Variants in SRGAP2C observed in about 807,000 individuals in gnomAD.
SRGAP2C encodes the protein SLIT-ROBO Rho GTPase activating protein 2C.
A neutral mutation model predicts 25.1 loss-of-function variants in SRGAP2C; 15 were observed. That is an observed-to-expected ratio of 0.60 (90% CI 0.40 to 0.92). The LOEUF (loss-of-function observed/expected upper bound fraction) is 0.92. SRGAP2C is among the 40% of genes least tolerant of loss of function. The pLI is 0.00. For missense variants in SRGAP2C, 144 were observed against 264.4 expected (o/e 0.54, Z 3.16); for synonymous variants, 44 against 96.6 (o/e 0.46, Z 3.19).
In SRGAP2C at chr1:121,374,926, A is replaced by G. The variant is rs1659600765; in HGVS notation, c.803A>G (p.Tyr268Cys). 2.6e-6 allele frequency: 2 copies of G among 778,436 alleles called. No individual in the cohort carries two copies. Among genetic ancestry groups the G allele is most frequent in the Non-Finnish European group, 4.8e-6 (2 of 416,946 alleles). 48.2% of individuals were successfully genotyped at this position (778,436 alleles called of 1,614,324 possible). The change falls in exon 7 of 10, where the codon TAC (tyrosine) becomes TGC (cysteine). Residue 268 changes from tyrosine (Y) to cysteine (C), a missense_variant. Tyr to Cys is a radical substitution (Grantham distance 194). Transcript: ENST00000367123. The stretch of plus-strand genomic sequence containing the variant: ...ACCAATGCATCTGTCTTCAAGTACT[A>G]CATCCATGACCTATCTGACCTTATT... ...EATNASVFKY[Y>C]IHDLSDLIDQ...
intron 2 of SRGAP2C, among the ~76,000 whole-genome samples, chr1:121,229,777 C>T: frequency 7.9e-6 from 1 of 126,438 alleles, no homozygotes; most frequent in South Asian, 3.2e-4. Flanking sequence ...TGCATCCGGC[C>T]TCTCAGGGAA....
chr1:121,295,313 A>G (rs1174563307), intron 3 of SRGAP2C, among the ~76,000 whole-genome samples: 22 of 151,642 alleles, frequency 1.5e-4, no homozygotes, highest in Non-Finnish European at 2.2e-4. Flanking sequence ...CTGATGGTTT[A>G]AATAGGTATG....
At chr1:121,224,096 A>G (rs587636887) in intron 2 of SRGAP2C, among the ~76,000 whole-genome samples, 1 of 151,942 alleles carries the variant, frequency 6.6e-6, no homozygotes, top group Non-Finnish European at 1.5e-5. Context: ...AGACAAAGAA[A>G]TACAGTTTCT....
rs1332599559 is a variant in SRGAP2C, at chr1:121,390,981, T to G, written c.*3126T>G. ...ACTTGAACTGGGGAGGCATAGGTTG[T>G]AGTGAGCCAAGGTCGTGTCACTGCA... On this transcript the variant is annotated 3_prime_UTR_variant, in exon 10 of 10. Transcript: ENST00000367123. 1 of 104,612 alleles carries G rather than the reference T, an allele frequency of 9.6e-6. No individual in the cohort carries two copies. Among genetic ancestry groups the G allele is most frequent in the Admixed American group, 1.0e-4 (1 of 9,916 alleles). The allele number at this position is 104,612 out of a possible 1,614,324, so 6.5% of individuals were successfully genotyped here. A position where few individuals can be genotyped will look rare whatever the true frequency, so the allele number is the denominator to read the frequency against.
At chr1:121,207,481 A>G (rs1362743197) in intron 2 of SRGAP2C, among the ~76,000 whole-genome samples, 19 of 152,020 alleles carry the variant, frequency 1.2e-4, no homozygotes, top group African/African-American at 4.1e-4. Flanking sequence ...GTTCTTTTAA[A>G]GGCAGCCTGG....
At chr1:121,195,241 T>A (rs587733183) in intron 2 of SRGAP2C, among the ~76,000 whole-genome samples, 51 of 152,222 alleles carry the variant, frequency 3.4e-4, no homozygotes, top group African/African-American at 1.1e-3. Flanking sequence ...TAAAACCTCA[T>A]CTCTACAAAA....
At chr1:121,303,450 C>T (rs1657744314) in intron 3 of SRGAP2C, among the ~76,000 whole-genome samples, 1 of 152,116 alleles carries the variant, frequency 6.6e-6, no homozygotes. Context: ...TGAGCACTTC[C>T]TTACTTTGTG....
At chr1:121,221,836 A>C (rs1553325695) in intron 2 of SRGAP2C, among the ~76,000 whole-genome samples, 2 of 150,142 alleles carry the variant, frequency 1.3e-5, no homozygotes, top group African/African-American at 5.0e-5. Flanking sequence ...GCTTTTGAGC[A>C]TGTCTGTGTA....
chr1:121,231,582 T>A (rs1409202072), intron 2 of SRGAP2C, among the ~76,000 whole-genome samples: 1 of 150,946 alleles, frequency 6.6e-6, no homozygotes. Context: ...AAGCCACAGA[T>A]TTAGCGTTAT....
chr1:121,314,013 CAG>C (rs1658030278), intron 3 of SRGAP2C, among the ~76,000 whole-genome samples: 1 of 133,230 alleles, frequency 7.5e-6, no homozygotes, highest in East Asian at 2.2e-4. Flanking sequence ...TAATATCCTG[CAG>C]AGTGTTTTCC....
chr1:121,207,316 G>A (rs1553322696), intron 2 of SRGAP2C, among the ~76,000 whole-genome samples: 2 of 151,030 alleles, frequency 1.3e-5, no homozygotes, highest in Non-Finnish European at 3.0e-5. Flanking sequence ...AACAAGGAGA[G>A]AGAAAACTGG....
At chr1:121,239,279 A>ATG (rs1558090870) in intron 2 of SRGAP2C, among the ~76,000 whole-genome samples, 1 of 3,014 alleles carries the variant, frequency 3.3e-4, no homozygotes, top group African/African-American at 7.8e-3. Flanking sequence ...ATATATATAT[A>ATG]TACTATATAT....
At chr1:121,282,633 C>T (rs1657272877) in intron 2 of SRGAP2C, among the ~76,000 whole-genome samples, 1 of 151,994 alleles carries the variant, frequency 6.6e-6, no homozygotes, top group Non-Finnish European at 1.5e-5. Flanking sequence ...CTGCTCAGTG[C>T]AAACTCCGCC....
At position 121,379,083 on chromosome 1, in the gene SRGAP2C, T is replaced by G. The variant is rs1222692682; in HGVS notation, c.832-3618T>G. Among the ~76,000 whole-genome samples the G allele has an allele frequency of 4.1e-4, 62 of 151,996 alleles. 1 individual carries two copies. Among genetic ancestry groups the G allele is most frequent in the Non-Finnish European group, 8.1e-4 (55 of 68,010 alleles). On this transcript the variant is annotated intron_variant, in intron 7 of 9. Transcript: ENST00000367123. ...GCATTGTCCTCATGCATAGCTGGAG[T>G]GTTGTAAGTGCCGTGTACATGTATG...
intron 5 of SRGAP2C, among the ~76,000 whole-genome samples, chr1:121,371,839 A>AG (rs1659499840): frequency 7.1e-6 from 1 of 141,468 alleles, no homozygotes; most frequent in East Asian, 2.1e-4. Flanking sequence ...AAAGAAAAAA[A>AG]GCACTCACTT....
intron 2 of SRGAP2C, among the ~76,000 whole-genome samples, chr1:121,187,784 C>G (rs1207587337): frequency 5.6e-3 from 826 of 146,734 alleles, no homozygotes; most frequent in African/African-American, 0.022. Context: ...CCAAGCCGGA[C>G]AGGGTGGGGG....
intron 3 of SRGAP2C, among the ~76,000 whole-genome samples, chr1:121,308,665 G>A (rs1657906103): frequency 6.6e-6 from 1 of 151,856 alleles, no homozygotes; most frequent in African/African-American, 2.4e-5. Context: ...TGGGCCGGGT[G>A]CGGTGGTTCA....
rs1466286322 is a variant in SRGAP2C, at chr1:121,221,439, G to A, written c.67+33926G>A. ...AAAAGAAAGACATTGGGCCAGGCAC[G>A]GTGGCTCACGCCTGTAATCCCAGCA... On this transcript the variant is annotated intron_variant, in intron 2 of 9. Coordinates refer to ENST00000367123, the MANE Select transcript of SRGAP2C (RefSeq NM_001329984.2). 6.5e-5 allele frequency among the ~76,000 whole-genome samples: 5 copies of A among 76,432 alleles called. 2 individuals are homozygous for A. The highest frequency in any genetic ancestry group is 6.1e-4 in the Admixed American group (5 of 8,170). The allele number at this position is 76,432 out of a possible 152,430, so 50.1% of individuals were successfully genotyped here.
intron 8 of SRGAP2C, among the ~76,000 whole-genome samples, chr1:121,385,607 T>C (rs1387342620): frequency 1.3e-5 from 2 of 151,774 alleles, no homozygotes; most frequent in African/African-American, 4.8e-5. Context: ...GGCATGTGAA[T>C]GTGCCCACTC....
Sources: allele counts gnomAD v4.1 joint callset (sites outside exome capture counted in the v4.1 genomes callset), GRCh38; gene constraint gnomAD v4.1.1; transcripts MANE v1.5; gene names NCBI Gene and HGNC (gene_info 2026-07-23, HGNC 2026-07-21).